The following AHI1 variants were observed in gnomAD, a reference collection of about 807,000 sequenced individuals.
AHI1 encodes the protein Abelson helper integration site 1.
In AHI1, 123 loss-of-function variants were observed where a neutral mutation model predicts 149.3. That is an observed-to-expected ratio of 0.82 (90% CI 0.71 to 0.96). The LOEUF (loss-of-function observed/expected upper bound fraction) is 0.96. Among genes scored for constraint, AHI1 ranks in the 40% least tolerant of loss-of-function variants. The probability of loss-of-function intolerance (pLI) is 0.00; values close to 1 mark genes in which losing one functional copy is unlikely to be tolerated. For missense variants in AHI1, 1,439 were observed against 1,422.7 expected, an observed-to-expected ratio of 1.01 and a Z score of -0.18; for synonymous variants, 475 against 459.8, an observed-to-expected ratio of 1.03 and a Z score of -0.42.
At chr6:135,299,340 G>A (rs1783561945) in intron 27 of AHI1, among the ~76,000 whole-genome samples, 1 of 152,160 alleles carries the variant, frequency 6.6e-6, no homozygotes, top group Admixed American at 6.5e-5. Flanking sequence ...TGTACTGGAA[G>A]AGACATATTA....
chr6:135,426,089 A>T (rs1252105571), intron 20 of AHI1, among the ~76,000 whole-genome samples: 1 of 151,778 alleles, frequency 6.6e-6, no homozygotes, highest in Non-Finnish European at 1.5e-5. Context: ...GAACTGTTTC[A>T]GGATACATGG....
At position 135,395,774 on chromosome 6, in the gene AHI1, A is replaced by G. The variant is rs542412949; in HGVS notation, c.2989-878T>C. On this transcript the variant is annotated intron_variant, in intron 22 of 28. Transcript: ENST00000265602. ...GGAGAAATTGACAGTCTGATTCCTA[A>G]TTCACTTCAAAAATGTAATCTGTAA... Among the ~76,000 whole-genome samples the G allele has an allele frequency of 2.6e-5, 4 of 151,996 alleles. No homozygotes were observed. In the East Asian group the frequency reaches 7.7e-4, roughly 29 times the overall value.
intron 5 of AHI1, among the ~76,000 whole-genome samples, chr6:135,482,718 T>C (rs986909005): frequency 6.6e-6 from 1 of 151,888 alleles, no homozygotes; most frequent in Non-Finnish European, 1.5e-5. Context: ...ACTTATCTTT[T>C]GGTAATGGGT....
rs571033223 is a variant in AHI1, at chr6:135,285,478, C to A, written c.*167G>T. 9 of 738,470 alleles carry A rather than the reference C, an allele frequency of 1.2e-5. No homozygotes were observed. In the South Asian group the frequency reaches 1.5e-4, roughly 12 times the overall value. The allele number at this position is 738,470 out of a possible 1,614,324, so 45.7% of individuals were successfully genotyped here. On this transcript the variant is annotated 3_prime_UTR_variant, in exon 29 of 29. Coordinates refer to ENST00000265602, the MANE Select transcript of AHI1 (RefSeq NM_001134831.2). ...TCAAAGGCCACGTTGATTTTTCCACCCACAACTTGATTCTGATTTTTCTAG... is the reference window on the plus strand; with the variant it reads ...TCAAAGGCCACGTTGATTTTTCCACACACAACTTGATTCTGATTTTTCTAG...
intron 20 of AHI1, among the ~76,000 whole-genome samples, chr6:135,423,782 T>A (rs1783551873): frequency 6.6e-6 from 1 of 152,134 alleles, no homozygotes; most frequent in Admixed American, 6.6e-5. Context: ...ACTCTGTTAT[T>A]AACTCTGGTT....
chr6:135,390,702 C>T (rs1231888964), intron 23 of AHI1, among the ~76,000 whole-genome samples: 1 of 152,164 alleles, frequency 6.6e-6, no homozygotes, highest in South Asian at 2.1e-4. Context: ...CTCGGTTTCA[C>T]TGTACAGAAA....
intron 22 of AHI1, among the ~76,000 whole-genome samples, chr6:135,399,980 G>A (rs997188670): frequency 6.6e-6 from 1 of 151,962 alleles, no homozygotes. Flanking sequence ...GACTTGTATG[G>A]ATTATTACAT....
chr6:135,468,299 GA>G (rs1182972049), intron 5 of AHI1, among the ~76,000 whole-genome samples: 3 of 151,672 alleles, frequency 2.0e-5, no homozygotes, highest in Non-Finnish European at 4.4e-5. Context: ...AATAAATAAG[GA>G]AAAAAACCCC....
chr6:135,328,986 A>C (rs1300512956), intron 24 of AHI1, among the ~76,000 whole-genome samples: 5 of 152,210 alleles, frequency 3.3e-5, no homozygotes, highest in Admixed American at 2.6e-4. Context: ...GCAAAGCCTT[A>C]ACTCTCTTCA....
rs767765604 is a variant in AHI1 at position 135,290,448 on chromosome 6, G to C, written c.3563C>G (p.Ala1188Gly). 6.2e-7 allele frequency: 1 copy of C among 1,608,236 alleles called. No homozygotes were observed. The highest frequency in any genetic ancestry group is 8.5e-7 in the Non-Finnish European group (1 of 1,174,842). ...CTCTATTAGAGTGACTTTTCTGCCTGCTTGCTTGTTCTTCCTCATCCGTGT... is the reference window on the plus strand; with the variant it reads ...CTCTATTAGAGTGACTTTTCTGCCTCCTTGCTTGTTCTTCCTCATCCGTGT... ...MDTRMRKNKQ[A>G]GRKVTLIE Residue 1188 changes from alanine to glycine, a missense_variant, in exon 28 of 29, where the codon GCA becomes GGA. Transcript: ENST00000265602.
In AHI1 at chr6:135,285,579, A is replaced by G; in HGVS notation, c.*66T>C. The G allele has an allele frequency of 1.3e-6, 2 of 1,552,932 alleles. No individual in the cohort carries two copies. The highest frequency in any genetic ancestry group is 1.8e-6 in the Non-Finnish European group (2 of 1,130,790). ...CTGAAAATTCTGAACTCTGAAGAGAAATTCCATTTGGTTTGTCATTTTCAC... is the reference window on the plus strand; with the variant it reads ...CTGAAAATTCTGAACTCTGAAGAGAGATTCCATTTGGTTTGTCATTTTCAC... On this transcript the variant is annotated 3_prime_UTR_variant, in exon 29 of 29. Transcript: ENST00000265602.
In AHI1 at chr6:135,433,089, A is replaced by G; in HGVS notation, c.2204T>C (p.Ile735Thr). Residue 735 changes from isoleucine to threonine, a missense_variant, in exon 16 of 29, where the codon ATA becomes ACA. Physicochemically the swap from Ile to Thr is moderately conservative, Grantham distance 89 (BLOSUM62 -1). Transcript: ENST00000265602. ...GTGAACATCAAACTGTCGGACCAAT[A>G]TGGCAGAATCTTCTCTCATCTCAAC... ...WKVEMREDSA[I>T]LVRQFDVHKS... 1.2e-6 allele frequency: 2 copies of G among 1,613,742 alleles called. No homozygotes were observed. The highest frequency in any genetic ancestry group is 1.7e-6 in the Non-Finnish European group (2 of 1,179,728).
intron 5 of AHI1, among the ~76,000 whole-genome samples, chr6:135,471,982 G>A (rs1282461095): frequency 8.5e-6 from 1 of 117,368 alleles, no homozygotes; most frequent in African/African-American, 3.2e-5. Context: ...ACTGCAGTCC[G>A]CAGTCCGGCC....
At position 135,326,986 on chromosome 6, in the gene AHI1, C is replaced by A. The variant is rs192649141; in HGVS notation, c.3166-3662G>T. 6.6e-5 allele frequency among the ~76,000 whole-genome samples: 10 copies of A among 152,274 alleles called. No individual in the cohort carries two copies. The East Asian group carries it at 1.7e-3, about 26-fold the overall frequency. ...TAGCTCCTACTTTTAAGTGAGAACACGTAGTATTTGGTTTTTTGTTCGTGA... is the reference window on the plus strand; with the variant it reads ...TAGCTCCTACTTTTAAGTGAGAACAAGTAGTATTTGGTTTTTTGTTCGTGA... On this transcript the variant is annotated intron_variant, in intron 24 of 28. Transcript: ENST00000265602.
At chr6:135,398,685 A>G (rs963129688) in intron 22 of AHI1, among the ~76,000 whole-genome samples, 2 of 152,092 alleles carry the variant, frequency 1.3e-5, no homozygotes, top group African/African-American at 4.8e-5. Context: ...CAAAACCTTT[A>G]CCTCCTTTTC....
rs1326442273 is a variant in AHI1, at chr6:135,431,238, T to C, written c.2343A>G (p.Glu781=). 6.2e-7 allele frequency: 1 copy of C among 1,605,660 alleles called. No individual in the cohort carries two copies. Among genetic ancestry groups the C allele is most frequent in the South Asian group, 1.1e-5 (1 of 89,868 alleles). The change falls in exon 17 of 29, where the codon GAA becomes GAG. Residue 781 remains glutamate (E), a synonymous_variant. Coordinates refer to ENST00000265602, the MANE Select transcript of AHI1 (RefSeq NM_001134831.2). The stretch of plus-strand genomic sequence containing the variant: ...TTATAGTCCAGTGGTGCACTGAATG[T>C]TCCAAATCATTAATCTTGACATAGG... ...WNTYVKINDL[E]HSVHHWTINK...
In AHI1 at chr6:135,476,645, T is replaced by G. The variant is rs547489867; in HGVS notation, c.136-9011A>C. Among the ~76,000 whole-genome samples, 11 of 152,330 alleles carry G rather than the reference T, an allele frequency of 7.2e-5. No individual in the cohort carries two copies. In the South Asian group the frequency reaches 1.9e-3, roughly 26 times the overall value. On this transcript the variant is annotated intron_variant, in intron 5 of 28. Coordinates refer to ENST00000265602, the MANE Select transcript of AHI1 (RefSeq NM_001134831.2). ...TTTCTATAGGTTTTTGCTTTGCATA[T>G]TTTGAAGCTTTGTTATGAGTTTCAT...
intron 26 of AHI1, among the ~76,000 whole-genome samples, chr6:135,310,911 A>G (rs566627456): frequency 6.6e-6 from 1 of 152,280 alleles, no homozygotes; most frequent in African/African-American, 2.4e-5. Context: ...AGAAAACAGC[A>G]TTTTCAGGAA....
intron 15 of AHI1, among the ~76,000 whole-genome samples, chr6:135,436,258 A>G (rs1785385338): frequency 6.6e-6 from 1 of 152,188 alleles, no homozygotes; most frequent in Admixed American, 6.5e-5. Context: ...AGAGAAAGAC[A>G]ATGGATAGAA....
Sources: allele counts gnomAD v4.1 joint callset (sites outside exome capture counted in the v4.1 genomes callset), GRCh38; gene constraint gnomAD v4.1.1; transcripts MANE v1.5; gene names NCBI Gene and HGNC (gene_info 2026-07-23, HGNC 2026-07-21).